Variants in RGR observed in about 807,000 individuals in gnomAD.
The protein encoded by RGR is retinal G protein coupled receptor, also known as RPE-retinal G protein-coupled receptor.
A neutral mutation model predicts 28.6 loss-of-function variants in RGR; 30 were observed. The observed-to-expected ratio is 1.05, with a 90% confidence interval of 0.78 to 1.42. The LOEUF is 1.42. RGR is among the 40% of genes most tolerant of loss of function. RGR has a pLI of 0.00. For missense variants in RGR, 404 were observed against 375.6 expected, an observed-to-expected ratio of 1.08 and a Z score of -0.62; for synonymous variants, 180 against 156.4, an observed-to-expected ratio of 1.15 and a Z score of -1.13.
At position 84,258,569 on chromosome 10, in the gene RGR, A is replaced by G; in HGVS notation, c.806A>G (p.Asn269Ser). 1.2e-6 allele frequency: 2 copies of G among 1,614,214 alleles called. No individual in the cohort carries two copies. Among genetic ancestry groups the G allele is most frequent in the African/African-American group, 2.7e-5 (2 of 75,046 alleles). The change falls in exon 7 of 7, where the codon AAT becomes AGT. Residue 269 changes from asparagine to serine, a missense_variant. Asn to Ser is a conservative substitution (Grantham distance 46). Transcript: ENST00000652092. ...TINAINYALG[N>S]EMVCRGIWQC... is the part of the protein sequence containing the mutation. ...AATGCCATCAACTATGCCCTGGGCA[A>G]TGAGATGGTCTGCAGGGGAATCTGG...
chr10:84,256,188 C>T (rs1320160259), intron 5 of RGR, among the ~76,000 whole-genome samples: 2 of 150,456 alleles, frequency 1.3e-5, no homozygotes, highest in Non-Finnish European at 1.5e-5. Context: ...CCTGCCTCAG[C>T]GTCCCTAGTA....
intron 3 of RGR, among the ~76,000 whole-genome samples, chr10:84,249,696 T>C (rs1842791770): frequency 6.6e-6 from 1 of 152,166 alleles, no homozygotes; most frequent in Admixed American, 6.5e-5. Context: ...AGACAGGCAC[T>C]ACTCTGCAGA....
In RGR at chr10:84,259,914, T is replaced by A. The variant is rs1442903082; in HGVS notation, c.*1275T>A. The A allele has an allele frequency of 6.6e-6, 1 of 152,170 alleles. No homozygotes were observed. The highest frequency in any genetic ancestry group is 2.4e-5 in the African/African-American group (1 of 41,436). The allele number at this position is 152,170 out of a possible 1,614,324, so 9.4% of individuals were successfully genotyped here. On this transcript the variant is annotated 3_prime_UTR_variant, in exon 7 of 7. Coordinates refer to ENST00000652092, the MANE Select transcript of RGR (RefSeq NM_001012720.2). ...GTTGTTCATTCTGTTGATGGTTTATTTTGCTGTGCAGAAACTTTTTTAGTT... is the reference window on the plus strand; with the variant it reads ...GTTGTTCATTCTGTTGATGGTTTATATTGCTGTGCAGAAACTTTTTTAGTT...
Position 84,253,005 on chromosome 10 carries a change from G to A in RGR, c.507G>A (p.Gly169=). 6.2e-7 allele frequency: 1 copy of A among 1,613,278 alleles called. No homozygotes were observed. Residue 169 remains glycine, a synonymous_variant, in exon 4 of 7, where the codon GGG becomes GGA. Transcript: ENST00000652092. ...GTCCTLDYSK[G]DRNFTSFLFT... ...GCTGCACCCTGGACTACTCCAAGGG[G>A]GACAGGTGAGGTGGGAGGAGCAGCT...
chr10:84,251,692 T>C (rs1842820414), intron 3 of RGR, among the ~76,000 whole-genome samples: 1 of 152,210 alleles, frequency 6.6e-6, no homozygotes, highest in Non-Finnish European at 1.5e-5. Context: ...TACTGGCGCA[T>C]GCAGCATGTC....
In RGR at chr10:84,255,175, C is replaced by T. The variant is rs114674287; in HGVS notation, c.630+732C>T. ...TATGAACAATGTGACAGACAGCAAC[C>T]AGGGGTTTTCTGCGTTTTCAGTGAT... On this transcript the variant is annotated intron_variant, in intron 5 of 6. Transcript: ENST00000652092. 2.3e-3 allele frequency: 357 copies of T among 155,544 alleles called. 2 individuals carry two copies. The highest frequency in any genetic ancestry group is 8.0e-3 in the African/African-American group (331 of 41,566). 9.6% of individuals were successfully genotyped at this position (155,544 alleles called of 1,614,324 possible). A position where few individuals can be genotyped will look rare whatever the true frequency, so the allele number is the denominator to read the frequency against.
intron 3 of RGR, chr10:84,250,529 CA>C: frequency 1.5e-6 from 1 of 676,556 alleles, no homozygotes; most frequent in South Asian, 1.6e-5. Flanking sequence ...CACACACACA[CA>C]CACACACACA....
chr10:84,249,798 T>C (rs1038328464), intron 3 of RGR, among the ~76,000 whole-genome samples: 5 of 152,200 alleles, frequency 3.3e-5, no homozygotes, highest in Admixed American at 6.5e-5. Context: ...ACTGTCCAGC[T>C]CTAGATTTCA....
At chr10:84,253,765 G>A (rs556748964) in intron 4 of RGR, among the ~76,000 whole-genome samples, 1 of 152,314 alleles carries the variant, frequency 6.6e-6, no homozygotes, top group East Asian at 1.9e-4. Context: ...TCCCCAGCCA[G>A]GGTCCAGTCC....
chr10:84,258,604 T>A lies in RGR; in HGVS notation c.841T>A (p.Ser281Thr). The change falls in exon 7 of 7, where the codon TCA becomes ACA. Residue 281 changes from serine to threonine, a missense_variant. By Grantham distance (58) the Ser-to-Thr change is moderately conservative. Transcript: ENST00000652092. ...MVCRGIWQCL[S>T]PQKREKDRTK The stretch of plus-strand genomic sequence containing the variant: ...CTGCAGGGGAATCTGGCAGTGCCTC[T>A]CACCGCAGAAGAGGGAGAAGGACCG... 1 of 1,614,144 alleles carries A rather than the reference T, an allele frequency of 6.2e-7. No individual in the cohort carries two copies. Among genetic ancestry groups the A allele is most frequent in the Non-Finnish European group, 8.5e-7 (1 of 1,180,028 alleles).
At chr10:84,245,881 A>T (rs2132875080) in intron 1 of RGR, among the ~76,000 whole-genome samples, 1 of 152,330 alleles carries the variant, frequency 6.6e-6, no homozygotes, top group Middle Eastern at 3.4e-3. Flanking sequence ...GTCAATCCTG[A>T]ATCTGGGCCA....
intron 2 of RGR, 175 bp from the exon 3 acceptor site, chr10:84,248,747 C>A: frequency 8.9e-7 from 1 of 1,124,818 alleles, no homozygotes; most frequent in Non-Finnish European, 1.3e-6. Flanking sequence ...TTGGGCTCCA[C>A]CCCTTCAGCC....
intron 1 of RGR, 139 bp from the exon 2 acceptor site, chr10:84,247,452 C>T: frequency 9.6e-7 from 1 of 1,038,618 alleles, no homozygotes; most frequent in Non-Finnish European, 1.5e-6. Flanking sequence ...ACTGTTATAG[C>T]ATGAAGCATG....
At chr10:84,250,409 T>C (rs1483157106) in intron 3 of RGR, 10 of 717,164 alleles carry the variant, frequency 1.4e-5, no homozygotes, top group Admixed American at 1.2e-4. Flanking sequence ...ATCGGTCTCA[T>C]CATTTTGAGT....
rs561508337 is a variant in RGR at position 84,259,175 on chromosome 10, C to T, written c.*536C>T. ...TTATTTCACTTAAAATAATGACCTCCAGTTTCATCCATGTTGCTGCAAAAG... is the reference window on the plus strand; with the variant it reads ...TTATTTCACTTAAAATAATGACCTCTAGTTTCATCCATGTTGCTGCAAAAG... On this transcript the variant is annotated 3_prime_UTR_variant, in exon 7 of 7. Transcript: ENST00000652092. 5.9e-6 allele frequency: 1 copy of T among 168,762 alleles called. No homozygotes were observed. Among genetic ancestry groups the T allele is most frequent in the Admixed American group, 5.4e-5 (1 of 18,420 alleles). 10.5% of individuals were successfully genotyped at this position (168,762 alleles called of 1,614,324 possible).
In RGR at chr10:84,247,598, C is replaced by T. The variant is rs779017984; in HGVS notation, c.87C>T (p.Ser29=). The T allele has an allele frequency of 2.1e-5, 34 of 1,614,046 alleles. No individual in the cohort carries two copies. The highest frequency in any genetic ancestry group is 9.9e-5 in the South Asian group (9 of 91,086). Residue 29 remains serine (S), a synonymous_variant, in exon 2 of 7, where the codon TCC becomes TCT. Transcript: ENST00000652092. The stretch of plus-strand genomic sequence containing the variant: ...CCCCACCCTTCCTTTCAGCTCTCTC[C>T]GGTCTCAGCCTCAATACCCTGACCA... ...VGMVLLVEAL[S]GLSLNTLTIF... is the part of the protein sequence containing the mutation.
chr10:84,250,419 T>C (rs1264563199), intron 3 of RGR: 15 of 717,294 alleles, frequency 2.1e-5, no homozygotes, highest in Non-Finnish European at 1.6e-5. Context: ...TCATTTTGAG[T>C]GGCGATAGGT....
chr10:84,245,258 G>C, intron 1 of RGR, 89 bp downstream of exon 1: 2 of 1,375,018 alleles, frequency 1.5e-6, no homozygotes, highest in Non-Finnish European at 2.0e-6. Context: ...GGAGAGGAGA[G>C]GTCCCCAAAC....
chr10:84,249,665 G>T (rs560835214), intron 3 of RGR, among the ~76,000 whole-genome samples: 1 of 152,142 alleles, frequency 6.6e-6, no homozygotes, highest in Non-Finnish European at 1.5e-5. Context: ...ATGAGATCAG[G>T]GATACAGAAA....
Sources: allele counts gnomAD v4.1 joint callset (sites outside exome capture counted in the v4.1 genomes callset), GRCh38; gene constraint gnomAD v4.1.1; transcripts MANE v1.5; gene names NCBI Gene and HGNC (gene_info 2026-07-23, HGNC 2026-07-21).